Variants in LRRIQ3 observed in about 807,000 individuals in gnomAD.
LRRIQ3 encodes the protein leucine-rich repeat and IQ domain-containing protein 3.
Under a neutral mutation model 59.3 loss-of-function variants are expected in LRRIQ3, and 75 were observed. The ratio of observed to expected loss-of-function variants is 1.26; its 90% CI spans 1.05 to 1.53. The LOEUF (loss-of-function observed/expected upper bound fraction) is 1.53, where lower values mean the gene tolerates loss of function less well. Among genes scored for constraint, LRRIQ3 ranks in the 40% most tolerant of loss-of-function variants. The probability of loss-of-function intolerance (pLI) is 0.00; values close to 1 mark genes in which losing one functional copy is unlikely to be tolerated. For synonymous variants in LRRIQ3, 250 were observed against 231.3 expected (o/e 1.08, Z -0.73); for missense variants, 831 against 710.0 (o/e 1.17, Z -1.94).
chr1:74,117,771 T>C lies in LRRIQ3; in HGVS notation c.708-8218A>G, dbSNP rs540579888. Among the ~76,000 whole-genome samples the C allele has an allele frequency of 7.9e-5, 12 of 152,146 alleles. No homozygotes were observed. The East Asian group carries it at 1.9e-3, about 25-fold the overall frequency. On this transcript the variant is annotated intron_variant, in intron 4 of 7. Transcript: ENST00000354431. ...ACAGAGCAAGTTTGTCTCAAAACAA[T>C]AGTAATAATACACCATATAACTAGC...
At chr1:74,170,270 G>T (rs755759901) in intron 3 of LRRIQ3, among the ~76,000 whole-genome samples, 4 of 152,048 alleles carry the variant, frequency 2.6e-5, no homozygotes, top group African/African-American at 4.8e-5. Context: ...TGTCAAGAAG[G>T]TTTTCCCCTT....
chr1:74,185,548 T>A (rs1650307525), intron 1 of LRRIQ3, among the ~76,000 whole-genome samples: 1 of 152,202 alleles, frequency 6.6e-6, no homozygotes, highest in Non-Finnish European at 1.5e-5. Flanking sequence ...ATACCAATCC[T>A]TTGTCAGATA....
intron 5 of LRRIQ3, among the ~76,000 whole-genome samples, chr1:74,106,716 A>G (rs1646619475): frequency 6.6e-6 from 1 of 152,022 alleles, no homozygotes; most frequent in South Asian, 2.1e-4. Context: ...AGGATCAACG[A>G]TACCAAAGCC....
At position 74,041,889 on chromosome 1, in the gene LRRIQ3, T is replaced by C; in HGVS notation, c.1042A>G (p.Ser348Gly). 4 of 1,607,564 alleles carry C rather than the reference T, an allele frequency of 2.5e-6. No homozygotes were observed. Among genetic ancestry groups the C allele is most frequent in the South Asian group, 1.1e-5 (1 of 90,422 alleles). ...AGTTTGAAAACTGATATCCTAAAAC[T>C]GGTATCCAATTTTTCATCCACAATT... ...DEIVDEKLDT[S>G]FRISVFKLPI... Residue 348 changes from serine (S) to glycine (G), a missense_variant, in exon 7 of 8, where the codon AGT (serine) becomes GGT (glycine). Coordinates refer to ENST00000354431, the MANE Select transcript of LRRIQ3 (RefSeq NM_001105659.2).
At chr1:74,103,539 C>T (rs1452691469) in intron 5 of LRRIQ3, among the ~76,000 whole-genome samples, 1 of 151,842 alleles carries the variant, frequency 6.6e-6, no homozygotes, top group East Asian at 1.9e-4. Flanking sequence ...TAAGGAAACA[C>T]ACTATTTCAC....
intron 4 of LRRIQ3, among the ~76,000 whole-genome samples, chr1:74,145,429 T>C (rs1647510999): frequency 1.3e-5 from 2 of 152,176 alleles, no homozygotes; most frequent in Non-Finnish European, 2.9e-5. Flanking sequence ...GTGAGCTTCC[T>C]GAAAAACCTC....
intron 1 of LRRIQ3, 87 bp from the exon 2 acceptor site, chr1:74,183,771 G>C: frequency 6.8e-6 from 8 of 1,175,130 alleles, no homozygotes; most frequent in Non-Finnish European, 8.1e-6. Flanking sequence ...AAGAGATAGC[G>C]CAAGTAAAAA....
intron 6 of LRRIQ3, among the ~76,000 whole-genome samples, chr1:74,066,277 G>A (rs1654863936): frequency 6.6e-6 from 1 of 150,404 alleles, no homozygotes; most frequent in Non-Finnish European, 1.5e-5. Flanking sequence ...TAAATTCAAA[G>A]ATCTCTAAAA....
chr1:74,152,716 T>C (rs1648068943), intron 4 of LRRIQ3, among the ~76,000 whole-genome samples: 1 of 152,204 alleles, frequency 6.6e-6, no homozygotes, highest in South Asian at 2.1e-4. Flanking sequence ...ATCTAGTTTC[T>C]AGATCTTACT....
At chr1:74,108,303 C>T (rs1646641626) in intron 5 of LRRIQ3, among the ~76,000 whole-genome samples, 1 of 151,676 alleles carries the variant, frequency 6.6e-6, no homozygotes, top group African/African-American at 2.4e-5. Flanking sequence ...CACAGAGGGT[C>T]AAAACATAAT....
intron 3 of LRRIQ3, among the ~76,000 whole-genome samples, chr1:74,170,501 T>C (rs1409896622): frequency 6.6e-6 from 1 of 152,172 alleles, no homozygotes; most frequent in Non-Finnish European, 1.5e-5. Flanking sequence ...TTCTAGGTTC[T>C]GTATTCCGTT....
intron 5 of LRRIQ3, among the ~76,000 whole-genome samples, chr1:74,092,699 T>C (rs150827873): frequency 1.1e-3 from 163 of 152,128 alleles, no homozygotes; most frequent in African/African-American, 3.8e-3. Flanking sequence ...GGAAATAGAA[T>C]AAAATTTTTG....
At chr1:74,140,593 A>G (rs1299583029) in intron 4 of LRRIQ3, among the ~76,000 whole-genome samples, 1 of 151,942 alleles carries the variant, frequency 6.6e-6, no homozygotes, top group Non-Finnish European at 1.5e-5. Context: ...AAAATATCTT[A>G]GCCAATAACT....
intron 6 of LRRIQ3, among the ~76,000 whole-genome samples, chr1:74,050,023 A>G (rs937854191): frequency 2.0e-5 from 3 of 150,808 alleles, no homozygotes; most frequent in African/African-American, 7.3e-5. Context: ...TCCCGGATTC[A>G]AGCAATTCTC....
chr1:74,117,944 A>G (rs1024156362), intron 4 of LRRIQ3, among the ~76,000 whole-genome samples: 1 of 152,120 alleles, frequency 6.6e-6, no homozygotes, highest in South Asian at 2.1e-4. Context: ...CTATCTTTTT[A>G]TAATTTAGAG....
chr1:74,112,271 G>C (rs1216532810), intron 4 of LRRIQ3, among the ~76,000 whole-genome samples: 2 of 152,112 alleles, frequency 1.3e-5, no homozygotes, highest in Non-Finnish European at 2.9e-5. Flanking sequence ...TCCTCTCAAA[G>C]TGAACTGACT....
At chr1:74,075,306 C>T (rs1054016072) in intron 5 of LRRIQ3, among the ~76,000 whole-genome samples, 1 of 152,156 alleles carries the variant, frequency 6.6e-6, no homozygotes, top group African/African-American at 2.4e-5. Flanking sequence ...GGGGCTCACA[C>T]CTGTAACCCT....
chr1:74,143,112 C>A (rs1393165805), intron 4 of LRRIQ3, among the ~76,000 whole-genome samples: 2 of 151,802 alleles, frequency 1.3e-5, no homozygotes, highest in African/African-American at 2.4e-5. Context: ...AGTATTAGTG[C>A]AATTAAAATT....
chr1:74,188,849 G>T (rs896569293), intron 1 of LRRIQ3, among the ~76,000 whole-genome samples: 1 of 152,020 alleles, frequency 6.6e-6, no homozygotes, highest in East Asian at 1.9e-4. Context: ...CTCCCATTTC[G>T]GTAGAAATCT....
Sources: allele counts gnomAD v4.1 joint callset (sites outside exome capture counted in the v4.1 genomes callset), GRCh38; gene constraint gnomAD v4.1.1; transcripts MANE v1.5; gene names NCBI Gene and HGNC (gene_info 2026-07-23, HGNC 2026-07-21).